The following MCF2L variants were observed in gnomAD, a reference collection of about 807,000 sequenced individuals.
MCF2L encodes the protein guanine nucleotide exchange factor DBS.
MCF2L carries 97 observed loss-of-function variants against 153.4 expected under a neutral mutation model. That is an observed-to-expected ratio of 0.63 (90% CI 0.54 to 0.75). The LOEUF is 0.75. Among genes scored for constraint, MCF2L ranks in the 30% least tolerant of loss-of-function variants. The probability of loss-of-function intolerance (pLI) is 0.00; values close to 1 mark genes in which losing one functional copy is unlikely to be tolerated. For synonymous variants in MCF2L, 659 were observed against 632.2 expected, an observed-to-expected ratio of 1.04 and a Z score of -0.64; for missense variants, 1,347 against 1,495.2, an observed-to-expected ratio of 0.90 and a Z score of 1.64.
chr13:113,099,585 T>C lies in MCF2L; in HGVS notation c.*2726T>C, dbSNP rs2035840128. ...ACTAGCGTAACCCAAAGAAAGTATT[T>C]AAATACTTCTGTCAATTAGGACAGT... On this transcript the variant is annotated 3_prime_UTR_variant, in exon 30 of 30. Coordinates refer to ENST00000535094, the MANE Select transcript of MCF2L (RefSeq NM_001112732.3). 6.6e-6 allele frequency: 1 copy of C among 152,154 alleles called. No homozygotes were observed. Among genetic ancestry groups the C allele is most frequent in the South Asian group, 2.1e-4 (1 of 4,826 alleles). 9.4% of individuals were successfully genotyped at this position (152,154 alleles called of 1,614,324 possible).
At chr13:113,095,741 C>G (rs1001762395) in intron 27 of MCF2L, 3 of 995,454 alleles carry the variant, frequency 3.0e-6, no homozygotes, top group African/African-American at 1.7e-5. Flanking sequence ...GCCCACCACA[C>G]GCAGCACCAG....
intron 1 of MCF2L, among the ~76,000 whole-genome samples, chr13:113,006,574 C>T (rs532806890): frequency 8.2e-4 from 125 of 152,332 alleles, no homozygotes; most frequent in Non-Finnish European, 7.3e-5. Context: ...TGTGAGGGCT[C>T]AGCTGCCTCT....
At chr13:112,971,213 G>A (rs1459970105) in intron 1 of MCF2L, among the ~76,000 whole-genome samples, 1 of 152,154 alleles carries the variant, frequency 6.6e-6, no homozygotes, top group Non-Finnish European at 1.5e-5. Flanking sequence ...CGGGTATGTG[G>A]TGCACATTCT....
chr13:113,006,305 C>G (rs1252128203), intron 1 of MCF2L, among the ~76,000 whole-genome samples: 1 of 152,234 alleles, frequency 6.6e-6, no homozygotes, highest in Non-Finnish European at 1.5e-5. Context: ...TACAGCTGAG[C>G]CTGACCTTGA....
intron 4 of MCF2L, among the ~76,000 whole-genome samples, chr13:113,048,684 C>T (rs532358736): frequency 2.6e-5 from 4 of 152,254 alleles, no homozygotes; most frequent in African/African-American, 7.2e-5. Flanking sequence ...CCTCGTGATC[C>T]GCCTGCCTCG....
chr13:112,913,138 CTG>C (rs2081252689), intron 2 of MCF2L, among the ~76,000 whole-genome samples: 1 of 130,476 alleles, frequency 7.7e-6, no homozygotes, highest in Non-Finnish European at 1.6e-5. Flanking sequence ...GATTGTGTGT[CTG>C]TGGTGTATTT....
At chr13:112,909,291 C>G (rs761737262) in intron 2 of MCF2L, 1 of 779,796 alleles carries the variant, frequency 1.3e-6, no homozygotes, top group East Asian at 2.4e-5. Context: ...TGGTGTCCTG[C>G]CAGTCTCGGG....
At position 113,099,064 on chromosome 13, in the gene MCF2L, T is replaced by C. The variant is rs1378080072; in HGVS notation, c.*2205T>C. 1 of 152,128 alleles carries C rather than the reference T, an allele frequency of 6.6e-6. No individual in the cohort carries two copies. The highest frequency in any genetic ancestry group is 1.9e-4 in the East Asian group (1 of 5,196). The allele number at this position is 152,128 out of a possible 1,614,324, so 9.4% of individuals were successfully genotyped here. A position where few individuals can be genotyped will look rare whatever the true frequency, so the allele number is the denominator to read the frequency against. On this transcript the variant is annotated 3_prime_UTR_variant, in exon 30 of 30. Transcript: ENST00000535094. ...GCAAATTTATATATAGATTGGAGAT[T>C]TAAAATAAAAGAAGACAGAACAGAC...
At position 113,060,712 on chromosome 13, in the gene MCF2L, G is replaced by A. The variant is rs758252641; in HGVS notation, c.489G>A (p.Pro163=). 2.5e-6 allele frequency: 4 copies of A among 1,612,446 alleles called. No homozygotes were observed. Among genetic ancestry groups the A allele is most frequent in the South Asian group, 1.1e-5 (1 of 91,084 alleles). ...GAGATGACTTTAAGATGAAGGTGCCGGTAAGTGCGCCCCGCCTCCATCCTG... is the reference window on the plus strand; with the variant it reads ...GAGATGACTTTAAGATGAAGGTGCCAGTAAGTGCGCCCCGCCTCCATCCTG... The part of the protein sequence containing the change: ...FNRDDFKMKV[P]VIMLSSVPDL... The change falls in exon 5 of 30, where the codon CCG becomes CCA. Residue 163 remains proline, a splice_region_variant and synonymous_variant. Coordinates refer to ENST00000535094, the MANE Select transcript of MCF2L (RefSeq NM_001112732.3).
intron 2 of MCF2L, among the ~76,000 whole-genome samples, chr13:112,931,757 T>C (rs1406691136): frequency 2.0e-5 from 3 of 152,102 alleles, no homozygotes; most frequent in African/African-American, 7.2e-5. Context: ...TGGATCATCT[T>C]ACAGTGACAG....
intron 2 of MCF2L, among the ~76,000 whole-genome samples, chr13:112,955,249 C>T (rs1251025125): frequency 6.6e-6 from 1 of 151,890 alleles, no homozygotes; most frequent in African/African-American, 2.4e-5. Context: ...CCTAAACCTG[C>T]ATCAGAGCAG....
chr13:113,078,514 C>G, intron 14 of MCF2L, 78 bp downstream of exon 14: 1 of 1,436,168 alleles, frequency 7.0e-7, no homozygotes, highest in Middle Eastern at 1.7e-4. Context: ...CCGTGTGGCC[C>G]CCCCTCCCGG....
chr13:113,058,964 C>G (rs143729355), intron 4 of MCF2L, among the ~76,000 whole-genome samples: 1 of 15,892 alleles, frequency 6.3e-5, no homozygotes, highest in Non-Finnish European at 1.3e-4. Context: ...CTGAGTGTTT[C>G]AGCGCTGTTT....
chr13:113,025,915 C>T (rs111915629), intron 3 of MCF2L, among the ~76,000 whole-genome samples: 6 of 65,010 alleles, frequency 9.2e-5, no homozygotes, highest in African/African-American at 1.6e-4. Flanking sequence ...GTGGGGTCCC[C>T]GTGACTGTGG....
intron 4 of MCF2L, among the ~76,000 whole-genome samples, chr13:113,058,224 CGCTGAGTGTTTGGGT>C (rs1194080669): frequency 7.4e-6 from 1 of 134,452 alleles, no homozygotes; most frequent in Non-Finnish European, 1.6e-5. Context: ...TGTGTTTGGG[CGCTGAGTGTTTGGGT>C]GCTGAGTGTG....
chr13:113,039,065 T>C (rs1279839283), intron 3 of MCF2L, among the ~76,000 whole-genome samples: 1 of 152,192 alleles, frequency 6.6e-6, no homozygotes, highest in Non-Finnish European at 1.5e-5. Context: ...TTCACCGTGT[T>C]AGCCTGGATG....
chr13:113,010,691 G>A (rs75619623), intron 1 of MCF2L, among the ~76,000 whole-genome samples: 8,596 of 151,720 alleles, frequency 0.057, 345 homozygotes, highest in East Asian at 0.14. Flanking sequence ...CCTCAGATGT[G>A]AGGCCCTAAC....
intron 4 of MCF2L, among the ~76,000 whole-genome samples, chr13:113,052,214 T>C (rs2087385836): frequency 6.6e-6 from 1 of 152,242 alleles, no homozygotes; most frequent in East Asian, 1.9e-4. Context: ...TGTAGAAACA[T>C]TTTTTTAAAA....
Sources: gnomAD v4.1 joint callset for allele counts (sites outside exome capture counted in the v4.1 genomes callset) on GRCh38, gnomAD v4.1.1 for gene constraint, MANE v1.5 for transcripts, NCBI Gene and HGNC (gene_info 2026-07-23, HGNC 2026-07-21) for gene names.